Variants in TMEM200C observed in about 807,000 individuals in gnomAD.
TMEM200C encodes the protein transmembrane protein 200C, also known as transmembrane protein TTMA.
For synonymous variants in TMEM200C, 462 were observed against 324.7 expected, an observed-to-expected ratio of 1.42 and a Z score of -4.55; for missense variants, 966 against 699.9, an observed-to-expected ratio of 1.38 and a Z score of -4.29.
At chr18:5,890,550 G>C in exon 3 of TMEM200C, 1 of 1,451,162 alleles carries the variant, frequency 6.9e-7, no homozygotes, top group Non-Finnish European at 9.1e-7. Flanking sequence ...TGGCGAGGGG[G>C]AGGCGGCCTT....
At position 5,891,639 on chromosome 18, in the gene TMEM200C, G is replaced by A. The variant is rs557850782; in HGVS notation, c.425C>T (p.Pro142Leu). 1.1e-4 allele frequency: 172 copies of A among 1,613,694 alleles called. No individual in the cohort carries two copies. In the South Asian group the frequency reaches 1.6e-3, roughly 15 times the overall value. ...GCCCACGGACGTGGAGGAGGAGGACGGGGAGGCGGCTCGTGCTGGAGGCGT... is the reference window on the plus strand; with the variant it reads ...GCCCACGGACGTGGAGGAGGAGGACAGGGAGGCGGCTCGTGCTGGAGGCGT... The change falls in exon 3 of 3, where the codon CCG becomes CTG. Residue 142 changes from proline (P) to leucine (L), a missense_variant. Pro to Leu is a moderately conservative substitution (Grantham distance 98, BLOSUM62 -3). Coordinates refer to ENST00000581347, the Ensembl canonical transcript of TMEM200C. This position sits in a 1 kb window ranked among gnomAD's most constrained non-coding sequence, Gnocchi z 4.7.
chr18:5,882,958 G>T (rs1329287872), exon 3 of TMEM200C: 1 of 152,078 alleles, frequency 6.6e-6, no homozygotes, highest in African/African-American at 2.4e-5. Context: ...GAATTTTCTT[G>T]CTCTTTATCA....
At chr18:5,885,803 G>A (rs2095164917) in exon 3 of TMEM200C, 1 of 152,060 alleles carries the variant, frequency 6.6e-6, no homozygotes, top group South Asian at 2.1e-4. Flanking sequence ...AACTTCCCTG[G>A]GGTAGGGTGG....
exon 3 of TMEM200C, chr18:5,890,694 C>T (rs2095169590): frequency 2.0e-6 from 1 of 512,344 alleles, no homozygotes; most frequent in East Asian, 3.5e-5. Context: ...CCTGGGCAGG[C>T]GGCCGCCCTG....
exon 1 of TMEM200C, chr18:5,895,868 G>A (rs889775312): frequency 6.6e-6 from 1 of 151,812 alleles, no homozygotes; most frequent in Non-Finnish European, 1.5e-5. Context: ...TCTGAGCCGC[G>A]GGCCCCAGAG....
chr18:5,891,803 C>G lies in TMEM200C; in HGVS notation c.261G>C (p.Lys87Asn), dbSNP rs1010202124. 9 of 1,605,362 alleles carry G rather than the reference C, an allele frequency of 5.6e-6. No individual in the cohort carries two copies. The highest frequency in any genetic ancestry group is 5.9e-6 in the Non-Finnish European group (7 of 1,177,480). ...GGCTGCTGCCCGCAGGCGGCAGCTGCTTACCCCCCTCCCGATTGGTCCCGG... is the reference window on the plus strand; with the variant it reads ...GGCTGCTGCCCGCAGGCGGCAGCTGGTTACCCCCCTCCCGATTGGTCCCGG... The change falls in exon 3 of 3, where the codon AAG becomes AAC. Residue 87 changes from lysine (K) to asparagine (N), a missense_variant. Transcript: ENST00000581347. The surrounding 1 kb of genome is among the most constrained non-coding windows in gnomAD (Gnocchi z 4.7).
At position 5,891,827 on chromosome 18, in the gene TMEM200C, G is replaced by C. The variant is rs2144453710; in HGVS notation, c.237C>G (p.Thr79=). Residue 79 remains threonine (T), a synonymous_variant, in exon 3 of 3, where the codon ACC becomes ACG. Coordinates refer to ENST00000581347, the Ensembl canonical transcript of TMEM200C. This position sits in a 1 kb window ranked among gnomAD's most constrained non-coding sequence, Gnocchi z 4.7. ...GCTTACCCCCCTCCCGATTGGTCCCGGTGGCCTTGGGCCAGTAGCCCACCA... is the reference window on the plus strand; with the variant it reads ...GCTTACCCCCCTCCCGATTGGTCCCCGTGGCCTTGGGCCAGTAGCCCACCA... The C allele has an allele frequency of 6.2e-7, 1 of 1,605,838 alleles. No homozygotes were observed. Among genetic ancestry groups the C allele is most frequent in the Non-Finnish European group, 8.5e-7 (1 of 1,178,068 alleles).
chr18:5,891,245 GA>G lies in TMEM200C; in HGVS notation c.818del (p.Phe273SerfsTer104). 7.3e-7 allele frequency: 1 copy of G among 1,372,140 alleles called. No individual in the cohort carries two copies. The highest frequency in any genetic ancestry group is 1.6e-5 in the South Asian group (1 of 62,614). The allele number at this position is 1,372,140 out of a possible 1,614,324, so 85.0% of individuals were successfully genotyped here. A position where few individuals can be genotyped will look rare whatever the true frequency, so the allele number is the denominator to read the frequency against. On this transcript the variant is annotated frameshift_variant, in exon 3 of 3. Transcript: ENST00000581347. LOFTEE classifies it low-confidence loss of function (END_TRUNC). The surrounding 1 kb of genome is among the most constrained non-coding windows in gnomAD (Gnocchi z 4.7). ...CCTTGGCCAGCATCGCCGCCGCTCC[GA>G]AGGCGTCCCCGGAGCCACCGCAGCC...
exon 3 of TMEM200C, chr18:5,887,469 G>C (rs1462052871): frequency 6.6e-6 from 1 of 152,144 alleles, no homozygotes; most frequent in South Asian, 2.1e-4. Context: ...AATATATAAA[G>C]TATTTTGATG....
At position 5,891,606 on chromosome 18, in the gene TMEM200C, A is replaced by C. The variant is rs758854963; in HGVS notation, c.458T>G (p.Phe153Cys). The change falls in exon 3 of 3, where the codon TTC becomes TGC. Residue 153 changes from phenylalanine to cysteine, a missense_variant. Coordinates refer to ENST00000581347, the Ensembl canonical transcript of TMEM200C. The surrounding 1 kb of genome is among the most constrained non-coding windows in gnomAD (Gnocchi z 4.7). The stretch of plus-strand genomic sequence containing the variant: ...GTGCAGGTAGCCAGAGAAGATGCGG[A>C]AGAAGAAGCCCACGGACGTGGAGGA... 1.2e-6 allele frequency: 2 copies of C among 1,613,580 alleles called. No individual in the cohort carries two copies. Among genetic ancestry groups the C allele is most frequent in the Non-Finnish European group, 1.7e-6 (2 of 1,179,672 alleles).
At chr18:5,890,831 C>G (rs2095169841) in exon 3 of TMEM200C, 1 of 676,520 alleles carries the variant, frequency 1.5e-6, no homozygotes, top group Admixed American at 2.1e-5. Context: ...TCGGGATCTC[C>G]TGGGAGCCGC....
chr18:5,883,885 T>C (rs961130301), exon 3 of TMEM200C: 3 of 152,132 alleles, frequency 2.0e-5, no homozygotes, highest in Admixed American at 6.5e-5. Context: ...AAATTTCAAA[T>C]TTAATGGTAA....
At chr18:5,888,060 C>T (rs2095166739) in exon 3 of TMEM200C, 1 of 152,156 alleles carries the variant, frequency 6.6e-6, no homozygotes, top group African/African-American at 2.4e-5. Context: ...AGTGCATTCT[C>T]CGAGGACTGG....
rs762503674 is a variant in TMEM200C, at chr18:5,891,425, G to A, written c.639C>T (p.Leu213=). The change falls in exon 3 of 3, where the codon CTC becomes CTT. Residue 213 remains leucine (L), a synonymous_variant. Transcript: ENST00000581347. This position sits in a 1 kb window ranked among gnomAD's most constrained non-coding sequence, Gnocchi z 4.7. ...CGGCGGCCGCCAGGTCTTTGGCGCGGAGGCTGTGCACGTCGATGACGGTGG... is the reference window on the plus strand; with the variant it reads ...CGGCGGCCGCCAGGTCTTTGGCGCGAAGGCTGTGCACGTCGATGACGGTGG... The A allele has an allele frequency of 4.5e-6, 7 of 1,544,188 alleles. No individual in the cohort carries two copies. Among genetic ancestry groups the A allele is most frequent in the Middle Eastern group, 3.4e-4 (2 of 5,958 alleles).
At chr18:5,886,243 G>C (rs1020386570) in exon 3 of TMEM200C, 3 of 152,010 alleles carry the variant, frequency 2.0e-5, no homozygotes, top group Admixed American at 1.3e-4. Flanking sequence ...TAACTCAATA[G>C]AGCACCTGAT....
chr18:5,892,003 G>T (rs564765632), exon 3 of TMEM200C: 21 of 1,613,826 alleles, frequency 1.3e-5, no homozygotes, highest in Admixed American at 1.0e-4. Flanking sequence ...ATCTGGCTTG[G>T]GGGGCGGAGT....
chr18:5,888,163 A>C (rs191999393), exon 3 of TMEM200C: 1 of 152,344 alleles, frequency 6.6e-6, no homozygotes, highest in East Asian at 1.9e-4. Context: ...GTAATGGAGA[A>C]GAAAACCTAA....
At chr18:5,884,180 T>C (rs1449610591) in exon 3 of TMEM200C, 2 of 152,158 alleles carry the variant, frequency 1.3e-5, no homozygotes, top group African/African-American at 2.4e-5. Flanking sequence ...TATAGTTTGT[T>C]TTGTTTTTGT....
rs867889591 is a variant in TMEM200C, at chr18:5,893,585, G to T, written c.-94-1428C>A. Among the ~76,000 whole-genome samples the T allele has an allele frequency of 8.5e-5, 13 of 152,152 alleles. No individual in the cohort carries two copies. The South Asian group carries it at 2.5e-3, about 29-fold the overall frequency. On this transcript the variant is annotated intron_variant, in intron 2 of 2. Transcript: ENST00000581347. ...CTTAGATATCACGCCCAAGCCTTTT[G>T]CTCTTCTATCCTTTATCAGATAATT... is the stretch of plus-strand genomic sequence containing the variant.
Sources: allele counts gnomAD v4.1 joint callset (sites outside exome capture counted in the v4.1 genomes callset), GRCh38; gene constraint gnomAD v4.1.1; non-coding constraint Gnocchi (gnomAD v3.1); transcripts MANE v1.5; gene names NCBI Gene and HGNC (gene_info 2026-07-23, HGNC 2026-07-21).